The following LARGE1 variants were observed in gnomAD, a reference collection of about 807,000 sequenced individuals.
LARGE1 encodes LARGE xylosyl- and glucuronyltransferase 1, also known as xylosyl- and glucuronyltransferase LARGE1.
A neutral mutation model predicts 87.6 loss-of-function variants in LARGE1; 43 were observed. The ratio of observed to expected loss-of-function variants is 0.49; its 90% CI spans 0.38 to 0.63. The LOEUF (loss-of-function observed/expected upper bound fraction) is 0.63, where lower values mean the gene tolerates loss of function less well. Ranked by LOEUF, LARGE1 falls within the 30% of genes least tolerant of loss-of-function variation. The probability of loss-of-function intolerance (pLI) is 0.00; values close to 1 mark genes in which losing one functional copy is unlikely to be tolerated. For missense variants in LARGE1, 802 were observed against 1,000.2 expected (o/e 0.80, Z 2.67); for synonymous variants, 434 against 394.6 (o/e 1.10, Z -1.18).
intron 6 of LARGE1, among the ~76,000 whole-genome samples, chr22:33,489,170 C>A (rs1399116023): frequency 6.6e-6 from 1 of 152,174 alleles, no homozygotes; most frequent in African/African-American, 2.4e-5. Flanking sequence ...TATACTGTAG[C>A]AGGAGAAAAC....
the LARGE1 span, among the ~76,000 whole-genome samples, chr22:33,075,756 G>A: frequency 2.6e-5 from 4 of 151,982 alleles, no homozygotes; most frequent in South Asian, 2.1e-4. Flanking sequence ...TTTCCTTCAC[G>A]GTATCACATT....
At chr22:33,268,708 T>C (rs960872907), downstream of LARGE1, among the ~76,000 whole-genome samples, 1 of 152,306 alleles carries the variant, frequency 6.6e-6, no homozygotes, top group Middle Eastern at 3.4e-3. Context: ...ATTACAGGCA[T>C]GAGCCACCGC....
At chr22:33,901,430 TAAC>T (rs887608602) in intron 1 of LARGE1, among the ~76,000 whole-genome samples, 10 of 152,160 alleles carry the variant, frequency 6.6e-5, no homozygotes, top group African/African-American at 2.2e-4. Flanking sequence ...AGCATGGAAA[TAAC>T]AATAAACCAT....
intron 1 of LARGE1, among the ~76,000 whole-genome samples, chr22:33,801,568 T>A (rs2086161550): frequency 6.6e-6 from 1 of 152,140 alleles, no homozygotes; most frequent in Non-Finnish European, 1.5e-5. Flanking sequence ...TAATGTTGAG[T>A]CTGGAGAGAT....
intron 11 of LARGE1, among the ~76,000 whole-genome samples, chr22:33,190,294 A>G (rs1923708491): frequency 6.6e-6 from 1 of 152,158 alleles, no homozygotes. Flanking sequence ...GAGTACATAA[A>G]AAGAACAGAG....
chr22:33,446,404 CTGGGGCCCCACTATGTG>C (rs1302799269), intron 6 of LARGE1, among the ~76,000 whole-genome samples: 2 of 152,172 alleles, frequency 1.3e-5, no homozygotes, highest in Admixed American at 1.3e-4. Flanking sequence ...ACTTTGCAGC[CTGGGGCCCCACTATGTG>C]TGGCTGGCGT....
At position 33,352,302 on chromosome 22, in the gene LARGE1, G is replaced by A. The variant is rs543911477; in HGVS notation, c.1132-14501C>T. Reference sequence around the variant, plus strand: ...CCACAAAACTATTGAGGTCAGTCACGAAAAACCAGGAAAGACTGTGACATT... The same window carrying A: ...CCACAAAACTATTGAGGTCAGTCACAAAAAACCAGGAAAGACTGTGACATT... On this transcript the variant is annotated intron_variant, in intron 9 of 14. Transcript: ENST00000397394. 3.3e-5 allele frequency among the ~76,000 whole-genome samples: 5 copies of A among 152,214 alleles called. No homozygotes were observed. In the East Asian group the frequency reaches 5.8e-4, roughly 18 times the overall value.
intron 11 of LARGE1, among the ~76,000 whole-genome samples, chr22:33,248,279 C>A (rs1926860011): frequency 6.6e-6 from 1 of 152,090 alleles, no homozygotes; most frequent in Non-Finnish European, 1.5e-5. Context: ...CCTCTGCCTC[C>A]CAGGTTCAAG....
At chr22:33,919,302 A>G (rs1046795903) in intron 1 of LARGE1, among the ~76,000 whole-genome samples, 1 of 152,220 alleles carries the variant, frequency 6.6e-6, no homozygotes, top group African/African-American at 2.4e-5. Flanking sequence ...GAACATTTAA[A>G]AGAGGATAAG....
chr22:33,865,971 C>T (rs1445697471), intron 1 of LARGE1, among the ~76,000 whole-genome samples: 1 of 149,284 alleles, frequency 6.7e-6, no homozygotes, highest in Non-Finnish European at 1.5e-5. Flanking sequence ...ATCTCAGCCT[C>T]CCAAGTAGCT....
chr22:33,689,654 C>T (rs1390655335), intron 2 of LARGE1, among the ~76,000 whole-genome samples: 1 of 152,108 alleles, frequency 6.6e-6, no homozygotes, highest in Non-Finnish European at 1.5e-5. Context: ...TTAAAATGGA[C>T]AGAAGGTCAC....
intron 2 of LARGE1, among the ~76,000 whole-genome samples, chr22:33,697,353 G>A (rs1034184560): frequency 6.6e-6 from 1 of 151,964 alleles, no homozygotes; most frequent in African/African-American, 2.4e-5. Flanking sequence ...GTTCAATATG[G>A]TTCTCACCTT....
Position 33,916,257 on chromosome 22 carries a change from G to T in LARGE1, c.-83+3738C>A, listed in dbSNP as rs533694402. Among the ~76,000 whole-genome samples, 4 of 151,932 alleles carry T rather than the reference G, an allele frequency of 2.6e-5. No homozygotes were observed. The East Asian group carries it at 7.7e-4, about 29-fold the overall frequency. On this transcript the variant is annotated intron_variant, in intron 1 of 14. Coordinates refer to ENST00000397394, the MANE Select transcript of LARGE1 (RefSeq NM_133642.5). The stretch of plus-strand genomic sequence containing the variant: ...GATCATGCCACTGCACTCTAGCCTG[G>T]CTGACAGAGCAAGACTCCATCTCAA...
At chr22:33,549,507 T>C (rs922481450) in intron 6 of LARGE1, among the ~76,000 whole-genome samples, 2 of 152,220 alleles carry the variant, frequency 1.3e-5, no homozygotes, top group Non-Finnish European at 2.9e-5. Flanking sequence ...TCACACTTTC[T>C]CTTGGTATTG....
At chr22:33,418,385 A>G (rs2147534388) in intron 7 of LARGE1, among the ~76,000 whole-genome samples, 1 of 152,322 alleles carries the variant, frequency 6.6e-6, no homozygotes, top group African/African-American at 2.4e-5. Context: ...CACAGGTTCC[A>G]GGGCTTAGAG....
intron 1 of LARGE1, among the ~76,000 whole-genome samples, chr22:33,765,794 A>G (rs193059215): frequency 1.1e-4 from 16 of 151,734 alleles, no homozygotes; most frequent in Non-Finnish European, 2.1e-4. Context: ...ATTTGGCATT[A>G]ATAATATTCA....
intron 1 of LARGE1, among the ~76,000 whole-genome samples, chr22:33,808,090 A>G (rs1355742775): frequency 1.3e-5 from 2 of 152,262 alleles, no homozygotes; most frequent in African/African-American, 4.8e-5. Context: ...ACTGTCTTCC[A>G]AAGTGGCTAT....
At chr22:33,209,994 G>T (rs977792917) in intron 11 of LARGE1, among the ~76,000 whole-genome samples, 1 of 152,172 alleles carries the variant, frequency 6.6e-6, no homozygotes, top group Non-Finnish European at 1.5e-5. Flanking sequence ...ACTACTGGGG[G>T]ATTTTTCAAA....
upstream of LARGE1, among the ~76,000 whole-genome samples, chr22:33,920,841 C>T (rs1353334931): frequency 1.5e-4 from 22 of 144,868 alleles, 2 homozygotes; most frequent in East Asian, 2.3e-3. Context: ...CGCGGGCAGC[C>T]GGGCGCCGCT....
Sources: gnomAD v4.1 joint callset for allele counts (sites outside exome capture counted in the v4.1 genomes callset) on GRCh38, gnomAD v4.1.1 for gene constraint, MANE v1.5 for transcripts, NCBI Gene and HGNC (gene_info 2026-07-23, HGNC 2026-07-21) for gene names.